Variants in VSIG8 observed in about 807,000 individuals in gnomAD.
The protein encoded by VSIG8 is V-set and immunoglobulin domain containing 8.
VSIG8 carries 32 observed loss-of-function variants against 42.6 expected under a neutral mutation model. The observed-to-expected ratio is 0.75, with a 90% CI of 0.57 to 1.01. The LOEUF (loss-of-function observed/expected upper bound fraction) is 1.01. Ranked by LOEUF, VSIG8 falls within the 50% of genes least tolerant of loss-of-function variation. VSIG8 has a pLI of 0.00. For missense variants in VSIG8, 529 were observed against 558.0 expected, an observed-to-expected ratio of 0.95 and a Z score of 0.52; for synonymous variants, 290 against 243.8, an observed-to-expected ratio of 1.19 and a Z score of -1.77.
chr1:159,855,633 G>A, intron 6 of VSIG8: 1 of 974,580 alleles, frequency 1.0e-6, no homozygotes, highest in Non-Finnish European at 1.2e-6. Context: ...TTACAGTCTA[G>A]ACAAGACAGA....
Position 159,862,605 on chromosome 1 carries a change from G to C in VSIG8, c.-84C>G. 11 of 1,285,680 alleles carry C rather than the reference G, an allele frequency of 8.6e-6. No homozygotes were observed. Among genetic ancestry groups the C allele is most frequent in the Non-Finnish European group, 1.1e-5 (10 of 907,046 alleles). 79.6% of individuals were successfully genotyped at this position (1,285,680 alleles called of 1,614,324 possible). ...GGGTGTGAGGGGGTAGGTGGAGGGA[G>C]GGGGAGCTGAGGGCCCAGACACTGC... On this transcript the variant is annotated 5_prime_UTR_variant, in exon 1 of 7. Coordinates refer to ENST00000368100, the MANE Select transcript of VSIG8 (RefSeq NM_001013661.1).
At chr1:159,857,526 G>A (rs924891015) in intron 4 of VSIG8, among the ~76,000 whole-genome samples, 13 of 147,870 alleles carry the variant, frequency 8.8e-5, no homozygotes, top group African/African-American at 3.2e-4. Context: ...AGTGAGCCGA[G>A]ATCATGCCAT....
At chr1:159,855,261 C>G in intron 6 of VSIG8, 1 of 1,551,134 alleles carries the variant, frequency 6.4e-7, no homozygotes, top group Non-Finnish European at 8.7e-7. Flanking sequence ...CTTGTCCACG[C>G]GTATCTGGAG....
intron 2 of VSIG8, 77 bp downstream of exon 2, chr1:159,858,657 C>T: frequency 6.6e-7 from 1 of 1,508,480 alleles, no homozygotes. Context: ...TCAGTCTTCT[C>T]CCTTTGGGAT....
intron 6 of VSIG8, chr1:159,855,483 AT>A: frequency 1.5e-6 from 2 of 1,378,220 alleles, no homozygotes; most frequent in Non-Finnish European, 1.9e-6. Flanking sequence ...GACTTGTTCT[AT>A]TTTTATTTCT....
chr1:159,857,608 C>T (rs2101829295), intron 4 of VSIG8, 137 bp downstream of exon 4: 1 of 637,020 alleles, frequency 1.6e-6, no homozygotes. Flanking sequence ...GCTGCTGGGG[C>T]AGGCCCAGAG....
chr1:159,858,190 G>A lies in VSIG8; in HGVS notation c.330C>T (p.Ser110=), dbSNP rs767333100. 1 of 1,614,214 alleles carries A rather than the reference G, an allele frequency of 6.2e-7. No individual in the cohort carries two copies. The stretch of plus-strand genomic sequence containing the variant: ...ATACCTGCAGGTTCATGAGGTTGAT[G>A]GAGGCATCGTACTGGCTTGGGTCTG... ...AASDPSQYDA[S]INLMNLQVSD... The change falls in exon 3 of 7, where the codon TCC becomes TCT. Residue 110 remains serine (S), a synonymous_variant. Coordinates refer to ENST00000368100, the MANE Select transcript of VSIG8 (RefSeq NM_001013661.1).
chr1:159,858,854 T>C lies in VSIG8; in HGVS notation c.108A>G (p.Glu36=), dbSNP rs759089101. 6.2e-7 allele frequency: 1 copy of C among 1,614,014 alleles called. No individual in the cohort carries two copies. Among genetic ancestry groups the C allele is most frequent in the South Asian group, 1.1e-5 (1 of 91,076 alleles). Residue 36 remains glutamate (E), a synonymous_variant, in exon 2 of 7, where the codon GAA becomes GAG. Transcript: ENST00000368100. ...GDGQEVLYLA[E]GDNVRLGCPY... ...GGCAGCCCAGCCTCACATTATCACCTTCTGCCAGGTACAGGACCTCCTGTC... is the reference window on the plus strand; with the variant it reads ...GGCAGCCCAGCCTCACATTATCACCCTCTGCCAGGTACAGGACCTCCTGTC...
intron 1 of VSIG8, among the ~76,000 whole-genome samples, chr1:159,859,986 C>G (rs891612477): frequency 6.6e-6 from 1 of 152,034 alleles, no homozygotes; most frequent in South Asian, 2.1e-4. Flanking sequence ...GGGGTGTAGC[C>G]AGGGCCCCAC....
chr1:159,857,392 G>A (rs1571167282), intron 4 of VSIG8, among the ~76,000 whole-genome samples: 1 of 152,106 alleles, frequency 6.6e-6, no homozygotes, highest in South Asian at 2.1e-4. Flanking sequence ...TGGCTAACAT[G>A]GTAAAACCCC....
rs543590786 is a variant in VSIG8 at position 159,862,333 on chromosome 1, C to T, written c.49+140G>A. ...GAAAGGTCCCCTGGTAATACCCACA[C>T]CCGGCTGCAGCAGGGCAAGGGTGGG... On this transcript the variant is annotated intron_variant, in intron 1 of 6. Transcript: ENST00000368100. 4 of 837,968 alleles carry T rather than the reference C, an allele frequency of 4.8e-6. No homozygotes were observed. In the East Asian group the frequency reaches 7.9e-5, roughly 17 times the overall value. 51.9% of individuals were successfully genotyped at this position (837,968 alleles called of 1,614,324 possible).
intron 1 of VSIG8, among the ~76,000 whole-genome samples, chr1:159,859,164 G>A (rs1012055702): frequency 3.3e-5 from 5 of 152,168 alleles, no homozygotes; most frequent in African/African-American, 1.2e-4. Context: ...ATGATTATGT[G>A]TATGCATGTA....
intron 4 of VSIG8, among the ~76,000 whole-genome samples, chr1:159,857,345 G>A (rs147992011): frequency 0.021 from 3,159 of 152,206 alleles, 106 homozygotes; most frequent in African/African-American, 0.072. Flanking sequence ...AGGCCAAGGC[G>A]GGCGGATCGC....
chr1:159,855,150 G>A, intron 6 of VSIG8, 124 bp from the exon 7 acceptor site: 1 of 1,551,580 alleles, frequency 6.4e-7, no homozygotes, highest in Non-Finnish European at 8.7e-7. Context: ...ACCTGCCCTC[G>A]TCTCTCTCCC....
At chr1:159,855,072 G>C (rs1164771266) in intron 6 of VSIG8, 46 bp from the exon 7 acceptor site, 1 of 1,562,186 alleles carries the variant, frequency 6.4e-7, no homozygotes, top group Non-Finnish European at 8.7e-7. Context: ...GCTCCGCAGC[G>C]GGGCGTGGGC....
At chr1:159,857,575 C>A (rs78310784) in intron 4 of VSIG8, among the ~76,000 whole-genome samples, 170 bp downstream of exon 4, 113 of 121,128 alleles carry the variant, frequency 9.3e-4, no homozygotes, top group Admixed American at 9.1e-4. Flanking sequence ...AACTCTGTCT[C>A]AAAAAAAAAA....
chr1:159,860,430 T>C (rs1048470089), intron 1 of VSIG8, among the ~76,000 whole-genome samples: 1 of 152,202 alleles, frequency 6.6e-6, no homozygotes, highest in Admixed American at 6.5e-5. Context: ...ACCAGACATA[T>C]CTATGGAAGC....
intron 5 of VSIG8, 147 bp from the exon 6 acceptor site, chr1:159,856,228 G>A (rs1648819569): frequency 1.2e-6 from 1 of 830,614 alleles, no homozygotes; most frequent in Admixed American, 2.8e-5. Context: ...ACCCAGTGGG[G>A]AAGATATGGG....
intron 5 of VSIG8, 118 bp from the exon 6 acceptor site, chr1:159,856,199 G>T: frequency 9.4e-7 from 1 of 1,059,270 alleles, no homozygotes; most frequent in Non-Finnish European, 1.4e-6. Context: ...GGACCCAGGG[G>T]GTCTCTTAGC....
Sources: gnomAD v4.1 joint callset for allele counts (sites outside exome capture counted in the v4.1 genomes callset) on GRCh38, gnomAD v4.1.1 for gene constraint, MANE v1.5 for transcripts, NCBI Gene and HGNC (gene_info 2026-07-23, HGNC 2026-07-21) for gene names.